The following PALB2 variants were observed in gnomAD, a reference collection of about 807,000 sequenced individuals.
PALB2 encodes the protein mutant partner and localizer of BRCA2.
PALB2 carries 82 observed loss-of-function variants against 107.4 expected under a neutral mutation model. That is an observed-to-expected ratio of 0.76 (90% CI 0.64 to 0.92). The LOEUF is 0.92. PALB2 is among the 40% of genes least tolerant of loss of function. The pLI, the probability that PALB2 is intolerant of heterozygous loss-of-function variation, is 0.00. For missense variants in PALB2, 1,374 were observed against 1,379.9 expected, an observed-to-expected ratio of 1.00 and a Z score of 0.07; for synonymous variants, 489 against 496.8, an observed-to-expected ratio of 0.98 and a Z score of 0.21.
chr16:23,627,846 C>A (rs534203026), intron 6 of PALB2, among the ~76,000 whole-genome samples: 1 of 152,166 alleles, frequency 6.6e-6, no homozygotes, highest in African/African-American at 2.4e-5. Flanking sequence ...ATTACATATA[C>A]ACAGATTTTA....
At chr16:23,631,292 A>C (rs900098058) in intron 4 of PALB2, among the ~76,000 whole-genome samples, 1 of 148,972 alleles carries the variant, frequency 6.7e-6, no homozygotes, top group Non-Finnish European at 1.5e-5. Flanking sequence ...AAAAAAAAAA[A>C]AAAAAAAAAA....
chr16:23,638,560 T>C (rs967048758), intron 1 of PALB2: 1 of 458,024 alleles, frequency 2.2e-6, no homozygotes, highest in Non-Finnish European at 4.4e-6. Flanking sequence ...GAATCTTCTA[T>C]TTATCCGTTA....
At chr16:23,626,211 C>T (rs568953141) in intron 7 of PALB2, 25 bp downstream of exon 7, 1 of 1,614,126 alleles carries the variant, frequency 6.2e-7, no homozygotes, top group South Asian at 1.1e-5. Flanking sequence ...GCAAAGATCT[C>T]TTTCAGCTCG....
chr16:23,634,871 GAATA>G lies in PALB2; in HGVS notation c.1671_1674del (p.Ile558LysfsTer2), dbSNP rs1060502734. 2 of 1,613,454 alleles carry G rather than the reference GAATA, an allele frequency of 1.2e-6. No individual in the cohort carries two copies. The highest frequency in any genetic ancestry group is 1.1e-5 in the South Asian group (1 of 91,008). On this transcript the variant is annotated frameshift_variant, in exon 4 of 13. Transcript: ENST00000261584. LOFTEE classifies it high-confidence loss of function. ...ACACATCTTGATTTACCTTTCACTT[GAATA>G]AATAATTTTTCGTGCTGATATTTGT...
rs747646354 is a variant in PALB2, at chr16:23,630,484, T to A, written c.1685-15A>T. ...ACTTTTCTTCCCTAAAGAAGAAAAA[T>A]AAGTCACAAAATAGTAACAAAACCC... is the stretch of plus-strand genomic sequence containing the variant. On this transcript the variant is annotated splice_polypyrimidine_tract_variant and intron_variant, in intron 4 of 12. Coordinates refer to ENST00000261584, the MANE Select transcript of PALB2 (RefSeq NM_024675.4). 6.3e-7 allele frequency: 1 copy of A among 1,581,950 alleles called. No homozygotes were observed. Among genetic ancestry groups the A allele is most frequent in the African/African-American group, 1.4e-5 (1 of 73,990 alleles).
Position 23,640,799 on chromosome 16 carries a change from G to A in PALB2, c.48+311C>T, listed in dbSNP as rs149036599. 7.4e-3 allele frequency: 2,526 copies of A among 340,812 alleles called. 14 individuals carry two copies. The highest frequency in any genetic ancestry group is 0.011 in the Non-Finnish European group (1,976 of 185,780). 21.1% of individuals were successfully genotyped at this position (340,812 alleles called of 1,614,324 possible). On this transcript the variant is annotated intron_variant, in intron 1 of 12. Coordinates refer to ENST00000261584, the MANE Select transcript of PALB2 (RefSeq NM_024675.4). Reference sequence around the variant, plus strand: ...AGACTTAAAAGATTTACTTGAGGCCGTCCGGGGGGAGAAGTAAAGATTGAG... The same window carrying A: ...AGACTTAAAAGATTTACTTGAGGCCATCCGGGGGGAGAAGTAAAGATTGAG...
intron 10 of PALB2, among the ~76,000 whole-genome samples, chr16:23,619,631 T>G (rs1167991995): frequency 6.6e-6 from 1 of 152,152 alleles, no homozygotes; most frequent in Non-Finnish European, 1.5e-5. Flanking sequence ...GCAAAAACTT[T>G]GTATTCTGTT....
chr16:23,624,152 A>T, intron 7 of PALB2, 58 bp from the exon 8 acceptor site: 1 of 1,236,238 alleles, frequency 8.1e-7, no homozygotes, highest in Non-Finnish European at 1.2e-6. Flanking sequence ...TGTTTAATCC[A>T]GATTTTCCAA....
Position 23,613,908 on chromosome 16 carries a change from C to G in PALB2, c.3201+96G>C. The stretch of plus-strand genomic sequence containing the variant: ...TATCCAATTTTGAAAAAAGATGCCA[C>G]GGGGAAGGTTTGTTCATTACTGCTT... On this transcript the variant is annotated intron_variant, in intron 11 of 12. Transcript: ENST00000261584. 4.6e-6 allele frequency: 4 copies of G among 877,440 alleles called. No homozygotes were observed. The Admixed American group carries it at 6.2e-5, about 14-fold the overall frequency. 54.4% of individuals were successfully genotyped at this position (877,440 alleles called of 1,614,324 possible).
chr16:23,610,933 G>C (rs1300563204), intron 11 of PALB2, among the ~76,000 whole-genome samples: 1 of 151,868 alleles, frequency 6.6e-6, no homozygotes, highest in Non-Finnish European at 1.5e-5. Flanking sequence ...CCAGCTACTT[G>C]GGAGGCTGAG....
intron 10 of PALB2, among the ~76,000 whole-genome samples, chr16:23,618,917 C>G (rs917953962): frequency 3.3e-5 from 5 of 152,176 alleles, no homozygotes; most frequent in African/African-American, 1.2e-4. Context: ...CATCTGAAAG[C>G]AGGGTCTTCT....
chr16:23,633,568 T>C (rs1319130857), intron 4 of PALB2, among the ~76,000 whole-genome samples: 2 of 152,218 alleles, frequency 1.3e-5, no homozygotes, highest in African/African-American at 4.8e-5. Flanking sequence ...AATTACAATG[T>C]ATCGTTGCTG....
chr16:23,625,404 C>T (rs537826859), intron 7 of PALB2, among the ~76,000 whole-genome samples: 6 of 152,132 alleles, frequency 3.9e-5, no homozygotes, highest in African/African-American at 1.2e-4. Context: ...GTGGTTCACA[C>T]CTGTAATCCC....
rs2142429442 is a variant in PALB2, at chr16:23,635,567, A to G, written c.979T>C (p.Cys327Arg). 2 of 1,613,032 alleles carry G rather than the reference A, an allele frequency of 1.2e-6. No individual in the cohort carries two copies. Among genetic ancestry groups the G allele is most frequent in the South Asian group, 1.1e-5 (1 of 91,012 alleles). Residue 327 changes from cysteine (C) to arginine (R), a missense_variant, in exon 4 of 13, where the codon TGT becomes CGT. Transcript: ENST00000261584. The stretch of plus-strand genomic sequence containing the variant: ...TTGTAGGTGAGTTCATTTAGAGAAC[A>G]TGAAATATTTGCCTCTAAATTAGAA... Reference protein sequence around the residue: ...TSSNLEANISCSLNELTYNNL... With the variant: ...TSSNLEANISRSLNELTYNNL...
intron 11 of PALB2, among the ~76,000 whole-genome samples, chr16:23,609,114 C>T (rs1371083144): frequency 2.6e-5 from 4 of 152,092 alleles, no homozygotes; most frequent in African/African-American, 7.2e-5. Context: ...GCGTGAGCCA[C>T]GGCGTCAGGT....
intron 4 of PALB2, among the ~76,000 whole-genome samples, chr16:23,630,753 G>A (rs1004032237): frequency 1.3e-5 from 2 of 152,032 alleles, no homozygotes; most frequent in Admixed American, 6.6e-5. Flanking sequence ...TTGGGCGAAG[G>A]GTTCAAACAA....
intron 9 of PALB2, among the ~76,000 whole-genome samples, chr16:23,622,607 A>T (rs366924): frequency 0.074 from 11,255 of 152,186 alleles, 483 homozygotes; most frequent in East Asian, 0.17. Flanking sequence ...TGTGGCCCCA[A>T]CTGGTCTTGA....
intron 7 of PALB2, among the ~76,000 whole-genome samples, chr16:23,626,008 A>G (rs765841370): frequency 1.2e-4 from 18 of 152,090 alleles, no homozygotes; most frequent in Non-Finnish European, 2.2e-4. Context: ...TTTGTGATAA[A>G]GCGAACAAAG....
intron 9 of PALB2, among the ~76,000 whole-genome samples, chr16:23,622,248 G>A (rs1175369784): frequency 6.6e-6 from 1 of 152,196 alleles, no homozygotes; most frequent in African/African-American, 2.4e-5. Context: ...CAGGTCTAGA[G>A]CTCAAGAAAG....
Sources: allele counts gnomAD v4.1 joint callset (sites outside exome capture counted in the v4.1 genomes callset), GRCh38; gene constraint gnomAD v4.1.1; transcripts MANE v1.5; gene names NCBI Gene and HGNC (gene_info 2026-07-23, HGNC 2026-07-21).